GPHN: variants seen among roughly 807,000 people sequenced by gnomAD.
The protein encoded by GPHN is gephyrin.
A neutral mutation model predicts 95.5 loss-of-function variants in GPHN; 17 were observed. The observed-to-expected ratio is 0.18, with a 90% confidence interval of 0.12 to 0.27. The LOEUF is 0.27. GPHN is among the 10% of genes least tolerant of loss of function. The pLI is 1.00. For synonymous variants in GPHN, 320 were observed against 322.5 expected (o/e 0.99, Z 0.08); for missense variants, 660 against 978.1 (o/e 0.67, Z 4.34).
chr14:67,386,570 T>G, the GPHN span: 1 of 152,270 alleles, frequency 6.6e-6, no homozygotes, highest in Non-Finnish European at 1.5e-5. Flanking sequence ...GTGAAGTTTC[T>G]TGGTACCTAT....
At chr14:66,878,652 A>G (rs1233023543) in intron 4 of GPHN, among the ~76,000 whole-genome samples, 5 of 152,204 alleles carry the variant, frequency 3.3e-5, no homozygotes, top group Non-Finnish European at 1.5e-5. Flanking sequence ...TGCAAGTCAA[A>G]AACCACAATG....
At chr14:67,373,842 AGTGTGTGTGTGTGT>A in the GPHN span, among the ~76,000 whole-genome samples, 2 of 145,686 alleles carry the variant, frequency 1.4e-5, no homozygotes, top group South Asian at 2.2e-4. Flanking sequence ...TAATTTGTTC[AGTGTGTGTGTGTGT>A]GTGTGTGTGT....
chr14:67,192,856 A>G, the GPHN span, among the ~76,000 whole-genome samples: 1 of 145,840 alleles, frequency 6.9e-6, no homozygotes, highest in Non-Finnish European at 1.5e-5. Flanking sequence ...ATATAGATAT[A>G]CAGATATATA....
the GPHN span, chr14:67,725,399 T>G: frequency 1.2e-6 from 1 of 849,252 alleles, no homozygotes; most frequent in Middle Eastern, 3.3e-4. Context: ...GGACAGGGAA[T>G]TGGCAAGAGG....
Position 66,957,355 on chromosome 14 carries a change from C to T in GPHN, c.829-7836C>T, listed in dbSNP as rs149975990. On this transcript the variant is annotated intron_variant, in intron 8 of 22. Transcript: ENST00000478722. ...GGATTACAGGCGTGTGTCACCACAC[C>T]CAGTTAATTTTTGTATTTTTAGTAG... 3.0e-3 allele frequency among the ~76,000 whole-genome samples: 451 copies of T among 151,380 alleles called. 2 individuals are homozygous for T. Among genetic ancestry groups the T allele is most frequent in the African/African-American group, 0.01 (433 of 41,324 alleles).
At chr14:67,656,092 A>C in the GPHN span, among the ~76,000 whole-genome samples, 1 of 152,060 alleles carries the variant, frequency 6.6e-6, no homozygotes, top group Non-Finnish European at 1.5e-5. Context: ...CTAAAAATAC[A>C]AACATTAGCT....
chr14:67,445,887 T>G, the GPHN span, among the ~76,000 whole-genome samples: 1 of 152,154 alleles, frequency 6.6e-6, no homozygotes, highest in African/African-American at 2.4e-5. Flanking sequence ...CTGCTCAGCC[T>G]AAGGGAGGCA....
chr14:67,567,406 A>G, the GPHN span, among the ~76,000 whole-genome samples: 4 of 152,212 alleles, frequency 2.6e-5, no homozygotes, highest in Non-Finnish European at 4.4e-5. Context: ...GTTTCGTTTT[A>G]CCTAAATCCT....
chr14:67,417,386 G>T, the GPHN span, among the ~76,000 whole-genome samples: 1 of 152,146 alleles, frequency 6.6e-6, no homozygotes, highest in African/African-American at 2.4e-5. Context: ...TTGTGAGGTT[G>T]GTAGAAGGAG....
At chr14:67,280,297 C>T in the GPHN span, among the ~76,000 whole-genome samples, 1 of 152,138 alleles carries the variant, frequency 6.6e-6, no homozygotes, top group Admixed American at 6.5e-5. Flanking sequence ...GCACATACAC[C>T]CAAGTGCTCA....
At chr14:67,199,595 G>C in the GPHN span, 1 of 1,591,984 alleles carries the variant, frequency 6.3e-7, no homozygotes, top group South Asian at 1.1e-5. Context: ...TTATGCCTTC[G>C]AGAAGGACTC....
the GPHN span, among the ~76,000 whole-genome samples, chr14:67,275,674 T>G: frequency 1.3e-5 from 2 of 152,232 alleles, no homozygotes; most frequent in South Asian, 4.1e-4. Flanking sequence ...TTCTATTGAT[T>G]GCAATAGTTT....
chr14:67,421,093 T>G, the GPHN span, among the ~76,000 whole-genome samples: 1 of 152,178 alleles, frequency 6.6e-6, no homozygotes, highest in Admixed American at 6.5e-5. Flanking sequence ...GATCACATAA[T>G]TTTTTAGTCC....
At chr14:67,135,175 G>C (rs1214960593) in intron 17 of GPHN, among the ~76,000 whole-genome samples, 2 of 151,846 alleles carry the variant, frequency 1.3e-5, no homozygotes, top group Admixed American at 1.3e-4. Context: ...GGCCAGGCTG[G>C]TCTCGAACTC....
chr14:67,221,801 A>T, the GPHN span: 5 of 1,613,158 alleles, frequency 3.1e-6, no homozygotes, highest in East Asian at 6.7e-5. Flanking sequence ...TGAATCAAAC[A>T]CTTCAGGTAT....
chr14:66,855,319 C>A (rs919447390), intron 4 of GPHN, among the ~76,000 whole-genome samples: 3 of 152,160 alleles, frequency 2.0e-5, no homozygotes, highest in Non-Finnish European at 2.9e-5. Context: ...AACCTTTAAT[C>A]TACTTTCTAT....
chr14:67,384,529 TATG>T, the GPHN span: 1 of 152,190 alleles, frequency 6.6e-6, no homozygotes, highest in Non-Finnish European at 1.5e-5. Flanking sequence ...TTTATTCTCT[TATG>T]ATACTTGAGG....
At chr14:67,188,566 T>C in the GPHN span, among the ~76,000 whole-genome samples, 1 of 152,150 alleles carries the variant, frequency 6.6e-6, no homozygotes, top group Non-Finnish European at 1.5e-5. Context: ...TCTTACTCAG[T>C]GGGACTATAG....
chr14:67,635,043 GA>G, the GPHN span, among the ~76,000 whole-genome samples: 1 of 152,084 alleles, frequency 6.6e-6, no homozygotes, highest in African/African-American at 2.4e-5. Flanking sequence ...CCAGGGGTTT[GA>G]GACCAGCCTC....
Sources: allele counts gnomAD v4.1 joint callset (sites outside exome capture counted in the v4.1 genomes callset), GRCh38; gene constraint gnomAD v4.1.1; transcripts MANE v1.5; gene names NCBI Gene and HGNC (gene_info 2026-07-23, HGNC 2026-07-21).